The following RAB3GAP1 variants were observed in gnomAD, a reference collection of about 807,000 sequenced individuals.
The protein encoded by RAB3GAP1 is rab3 GTPase-activating protein catalytic subunit.
Under a neutral mutation model 130.7 loss-of-function variants are expected in RAB3GAP1, and 86 were observed. The ratio of observed to expected loss-of-function variants is 0.66; its 90% confidence interval spans 0.55 to 0.79. RAB3GAP1 has a LOEUF of 0.79. Ranked by LOEUF, RAB3GAP1 falls within the 30% of genes least tolerant of loss-of-function variation. The pLI, the probability that RAB3GAP1 is intolerant of heterozygous loss-of-function variation, is 0.00. For missense variants in RAB3GAP1, 1,029 were observed against 1,169.4 expected (o/e 0.88, Z 1.75); for synonymous variants, 367 against 401.7 (o/e 0.91, Z 1.03).
rs1215785274 is a variant in RAB3GAP1, at chr2:135,164,750, G to GA, written c.2709+56dup. The GA allele has an allele frequency of 3.7e-5, 53 of 1,434,336 alleles. No individual in the cohort carries two copies. In the East Asian group the frequency reaches 1.2e-3, roughly 33 times the overall value. The allele number at this position is 1,434,336 out of a possible 1,614,324, so 88.9% of individuals were successfully genotyped here. On this transcript the variant is annotated intron_variant, in intron 23 of 23. Coordinates refer to ENST00000264158, the MANE Select transcript of RAB3GAP1 (RefSeq NM_012233.3). ...ATAATCTCTCCAAACCTCTACTTGG[G>GA]AAGAGGCTGTTTTAGTTCCCACACG...
intron 1 of RAB3GAP1, 47 bp from the exon 2 acceptor site, chr2:135,052,383 T>G (rs1688904838): frequency 6.2e-7 from 1 of 1,614,056 alleles, no homozygotes; most frequent in African/African-American, 1.3e-5. Flanking sequence ...TCCTCATGTC[T>G]TCGCCTTGGG....
chr2:135,103,944 T>C (rs1690522626), intron 5 of RAB3GAP1, among the ~76,000 whole-genome samples: 1 of 152,164 alleles, frequency 6.6e-6, no homozygotes, highest in Non-Finnish European at 1.5e-5. Flanking sequence ...ACAGGAAAAC[T>C]ACATATATGC....
chr2:135,129,221 G>C (rs1208862302), intron 11 of RAB3GAP1, among the ~76,000 whole-genome samples: 1 of 151,922 alleles, frequency 6.6e-6, no homozygotes, highest in Non-Finnish European at 1.5e-5. Context: ...GGGAGGCAGA[G>C]GCGGGCGGAC....
Position 135,162,635 on chromosome 2 carries a change from C to T in RAB3GAP1, c.2370C>T (p.Leu790=). The change falls in exon 20 of 24, where the codon CTC becomes CTT. Residue 790 remains leucine, a synonymous_variant. Coordinates refer to ENST00000264158, the MANE Select transcript of RAB3GAP1 (RefSeq NM_012233.3). ...LLPCVIHAAV[L]KVKEEESLEN... ...CTTGTGTGATTCATGCAGCTGTACT[C>T]AAGGTAAAGGAAGAAGGTAAATGTC... 5.0e-6 allele frequency: 8 copies of T among 1,613,916 alleles called. No homozygotes were observed. Among genetic ancestry groups the T allele is most frequent in the Non-Finnish European group, 6.8e-6 (8 of 1,179,866 alleles).
At chr2:135,137,816 TTTGTTTTTTTTTTG>T (rs1319318773) in intron 17 of RAB3GAP1, among the ~76,000 whole-genome samples, 2 of 151,994 alleles carry the variant, frequency 1.3e-5, no homozygotes, top group South Asian at 2.1e-4. Context: ...AGGGTTTTGT[TTTGTTTTTTTTTTG>T]TTGTTTTTTT....
intron 17 of RAB3GAP1, among the ~76,000 whole-genome samples, chr2:135,143,120 T>G (rs1468087224): frequency 6.6e-6 from 1 of 152,044 alleles, no homozygotes; most frequent in African/African-American, 2.4e-5. Flanking sequence ...TTAGATTTCT[T>G]TAATAGATAA....
chr2:135,129,959 A>G, intron 11 of RAB3GAP1, 36 bp from the exon 12 acceptor site: 1 of 1,311,938 alleles, frequency 7.6e-7, no homozygotes, highest in Admixed American at 1.9e-5. Flanking sequence ...TTTTTTTTTC[A>G]GTTAAGTGTC....
intron 5 of RAB3GAP1, among the ~76,000 whole-genome samples, chr2:135,105,880 C>T (rs944775806): frequency 4.0e-5 from 6 of 151,616 alleles, no homozygotes; most frequent in African/African-American, 9.7e-5. Context: ...TCTGCCCAGC[C>T]GCGACCCCAT....
downstream of RAB3GAP1, among the ~76,000 whole-genome samples, chr2:135,174,451 G>A (rs1692948231): frequency 6.6e-6 from 1 of 152,206 alleles, no homozygotes; most frequent in Non-Finnish European, 1.5e-5. Flanking sequence ...CTGCCTGTGT[G>A]CTGGGCCAGG....
At chr2:135,108,250 A>G (rs867094267) in intron 5 of RAB3GAP1, among the ~76,000 whole-genome samples, 1 of 152,116 alleles carries the variant, frequency 6.6e-6, no homozygotes, top group South Asian at 2.1e-4. Context: ...TATTCAGATG[A>G]AACAGTTCTT....
intron 5 of RAB3GAP1, among the ~76,000 whole-genome samples, chr2:135,095,737 A>G (rs761897669): frequency 1.3e-5 from 2 of 152,178 alleles, no homozygotes; most frequent in African/African-American, 2.4e-5. Flanking sequence ...TCTGAGTAGT[A>G]TGGTGAAGTC....
At chr2:135,156,299 A>C (rs1468312029) in intron 19 of RAB3GAP1, among the ~76,000 whole-genome samples, 1 of 152,204 alleles carries the variant, frequency 6.6e-6, no homozygotes, top group Non-Finnish European at 1.5e-5. Flanking sequence ...AATTATTTCA[A>C]CACATAATAA....
intron 7 of RAB3GAP1, among the ~76,000 whole-genome samples, chr2:135,117,525 T>G (rs1574126247): frequency 1.5e-5 from 2 of 135,544 alleles, no homozygotes; most frequent in Admixed American, 7.5e-5. Context: ...TTCTTCTGCT[T>G]CTTCTGCTTC....
At chr2:135,141,445 C>T (rs561161390) in intron 17 of RAB3GAP1, among the ~76,000 whole-genome samples, 76 of 152,008 alleles carry the variant, frequency 5.0e-4, no homozygotes, top group African/African-American at 1.8e-3. Context: ...AGGCTGGTCT[C>T]GAACTCCTGA....
chr2:135,084,016 G>A (rs779891547), intron 3 of RAB3GAP1, among the ~76,000 whole-genome samples: 6 of 151,956 alleles, frequency 3.9e-5, no homozygotes, highest in Non-Finnish European at 5.9e-5. Flanking sequence ...AGGCCAAGGC[G>A]GGTGAATCAT....
chr2:135,169,585 G>A lies in RAB3GAP1; in HGVS notation c.*804G>A. 3.5e-6 allele frequency: 1 copy of A among 289,246 alleles called. No individual in the cohort carries two copies. Among genetic ancestry groups the A allele is most frequent in the South Asian group, 3.2e-5 (1 of 31,346 alleles). The allele number at this position is 289,246 out of a possible 1,614,324, so 17.9% of individuals were successfully genotyped here. On this transcript the variant is annotated 3_prime_UTR_variant, in exon 24 of 24. Coordinates refer to ENST00000264158, the MANE Select transcript of RAB3GAP1 (RefSeq NM_012233.3). ...TTCTCTTTTTGTGGTTGCTGGCTGG[G>A]TACTGTATTTAATGAAGTAGAGAAT...
At chr2:135,070,305 T>A (rs1483975088) in intron 3 of RAB3GAP1, among the ~76,000 whole-genome samples, 2 of 152,196 alleles carry the variant, frequency 1.3e-5, no homozygotes, top group Admixed American at 6.5e-5. Flanking sequence ...TTGCCTCAGC[T>A]TCTTCTTTTA....
chr2:135,107,037 C>G (rs1208018843), intron 5 of RAB3GAP1, among the ~76,000 whole-genome samples: 1 of 148,460 alleles, frequency 6.7e-6, no homozygotes, highest in South Asian at 2.3e-4. Flanking sequence ...CCTTGGCTGA[C>G]TTCTCATCAG....
intron 5 of RAB3GAP1, among the ~76,000 whole-genome samples, chr2:135,111,027 C>T (rs1411820014): frequency 6.6e-6 from 1 of 151,980 alleles, no homozygotes; most frequent in Non-Finnish European, 1.5e-5. Flanking sequence ...TTTTAAAGCT[C>T]TAGATTATTT....
Sources: gnomAD v4.1 joint callset for allele counts (sites outside exome capture counted in the v4.1 genomes callset) on GRCh38, gnomAD v4.1.1 for gene constraint, MANE v1.5 for transcripts, NCBI Gene and HGNC (gene_info 2026-07-23, HGNC 2026-07-21) for gene names.